CNIH3: variants seen among roughly 807,000 people sequenced by gnomAD.
CNIH3 encodes protein cornichon homolog 3.
Under a neutral mutation model 24.1 loss-of-function variants are expected in CNIH3, and 14 were observed. The observed-to-expected ratio is 0.58, with a 90% CI of 0.38 to 0.91. The LOEUF is 0.91. Ranked by LOEUF, CNIH3 falls within the 40% of genes least tolerant of loss-of-function variation. CNIH3 has a pLI of 0.00. For missense variants in CNIH3, 178 were observed against 196.8 expected, an observed-to-expected ratio of 0.90 and a Z score of 0.57; for synonymous variants, 68 against 73.8, an observed-to-expected ratio of 0.92 and a Z score of 0.40.
At chr1:224,443,171 A>C (rs1367395092) in intron 1 of CNIH3, among the ~76,000 whole-genome samples, 1 of 152,216 alleles carries the variant, frequency 6.6e-6, no homozygotes. Context: ...AATTTAGAAC[A>C]CTTCATCTTG....
chr1:224,674,027 C>T (rs980808941), intron 1 of CNIH3, among the ~76,000 whole-genome samples: 4 of 152,078 alleles, frequency 2.6e-5, no homozygotes, highest in African/African-American at 7.2e-5. Context: ...GGGGAGATTC[C>T]GATCCAGTTC....
In CNIH3 at chr1:224,739,652, C is replaced by CAG. The variant is rs1689775656; in HGVS notation, c.*296_*297insAG. The CAG allele has an allele frequency of 5.1e-5, 25 of 488,176 alleles. No homozygotes were observed. In the East Asian group the frequency reaches 9.0e-4, roughly 18 times the overall value. The allele number at this position is 488,176 out of a possible 1,614,324, so 30.2% of individuals were successfully genotyped here. A position where few individuals can be genotyped will look rare whatever the true frequency, so the allele number is the denominator to read the frequency against. ...GTAGGTGACGAAACACTAGACCTCT[C>CAG]CTGAGAGAGAATTGCTGCTTCCTGA... On this transcript the variant is annotated 3_prime_UTR_variant, in exon 6 of 6. Coordinates refer to ENST00000272133, the MANE Select transcript of CNIH3 (RefSeq NM_152495.2).
chr1:224,727,724 T>C (rs1220501751), intron 3 of CNIH3, among the ~76,000 whole-genome samples: 5 of 152,134 alleles, frequency 3.3e-5, no homozygotes, highest in Non-Finnish European at 5.9e-5. Context: ...AAGAAGCAGC[T>C]GGTGAAGTAG....
chr1:224,617,180 C>T lies in CNIH3; in HGVS notation c.6C>T (p.Ala2=). 1 of 1,614,112 alleles carries T rather than the reference C, an allele frequency of 6.2e-7. No homozygotes were observed. The change falls in exon 1 of 6, where the codon GCC becomes GCT. Residue 2 remains alanine (A), a synonymous_variant. Coordinates refer to ENST00000272133, the MANE Select transcript of CNIH3 (RefSeq NM_152495.2). M[A]FTFAAFCYML... ...GGGATTGGGGTCCGCCGGCCATGGC[C>T]TTCACTTTCGCTGCGTTCTGCTACA...
chr1:224,731,948 G>C (rs1328753613), intron 4 of CNIH3, among the ~76,000 whole-genome samples: 1 of 152,242 alleles, frequency 6.6e-6, no homozygotes, highest in Non-Finnish European at 1.5e-5. Flanking sequence ...GTATGGTATG[G>C]AGGGCCTGAA....
chr1:224,701,689 G>A (rs1458721805), intron 3 of CNIH3, among the ~76,000 whole-genome samples: 2 of 152,140 alleles, frequency 1.3e-5, no homozygotes, highest in Non-Finnish European at 2.9e-5. Flanking sequence ...TATGCCAGAC[G>A]TTGTACAAAG....
intron 3 of CNIH3, among the ~76,000 whole-genome samples, chr1:224,696,833 A>T (rs1249551046): frequency 6.6e-6 from 1 of 152,090 alleles, no homozygotes; most frequent in Non-Finnish European, 1.5e-5. Context: ...TGCTCAGTAC[A>T]GCTAAAAGAA....
intron 2 of CNIH3, among the ~76,000 whole-genome samples, chr1:224,525,195 T>C (rs1678796710): frequency 6.6e-6 from 1 of 152,228 alleles, no homozygotes; most frequent in Non-Finnish European, 1.5e-5. Flanking sequence ...AACTTTCAAC[T>C]GAGAATCTTA....
At chr1:224,522,652 A>G (rs1422745853) in intron 2 of CNIH3, among the ~76,000 whole-genome samples, 1 of 152,234 alleles carries the variant, frequency 6.6e-6, no homozygotes, top group Non-Finnish European at 1.5e-5. Context: ...ATGAACAGGA[A>G]AAGTGCTCAG....
chr1:224,608,574 T>C (rs1274227231), intron 3 of CNIH3, among the ~76,000 whole-genome samples: 1 of 152,162 alleles, frequency 6.6e-6, no homozygotes, highest in Non-Finnish European at 1.5e-5. Context: ...CCATACAATA[T>C]CTGGAATCTA....
intron 1 of CNIH3, among the ~76,000 whole-genome samples, chr1:224,678,211 T>TC (rs1686229708): frequency 6.6e-6 from 1 of 152,174 alleles, no homozygotes; most frequent in Non-Finnish European, 1.5e-5. Context: ...CTCTTAGGCC[T>TC]CCAAATCCAA....
At chr1:224,558,075 C>G (rs1680215772) in intron 3 of CNIH3, among the ~76,000 whole-genome samples, 1 of 152,206 alleles carries the variant, frequency 6.6e-6, no homozygotes, top group Non-Finnish European at 1.5e-5. Flanking sequence ...AACCATTTGG[C>G]CTGGGCTCAG....
At chr1:224,706,131 T>C (rs2125187324) in intron 3 of CNIH3, among the ~76,000 whole-genome samples, 1 of 152,232 alleles carries the variant, frequency 6.6e-6, no homozygotes, top group South Asian at 2.1e-4. Context: ...AGTAAATGTT[T>C]GGTGAATGAA....
At chr1:224,674,410 C>T (rs563104399) in intron 1 of CNIH3, among the ~76,000 whole-genome samples, 1 of 149,046 alleles carries the variant, frequency 6.7e-6, no homozygotes, top group Non-Finnish European at 1.5e-5. Context: ...AAGACAGAAG[C>T]ATGAGATGCT....
intron 1 of CNIH3, among the ~76,000 whole-genome samples, chr1:224,679,015 A>G (rs1294409661): frequency 6.6e-6 from 1 of 152,166 alleles, no homozygotes; most frequent in Non-Finnish European, 1.5e-5. Context: ...AAAAGAATGA[A>G]TGCTACTATA....
At chr1:224,584,213 A>C (rs1681398409) in intron 5 of CNIH3, among the ~76,000 whole-genome samples, 1 of 152,256 alleles carries the variant, frequency 6.6e-6, no homozygotes, top group Non-Finnish European at 1.5e-5. Context: ...GCTCTTTAAA[A>C]GAAAGTTACA....
chr1:224,715,677 A>C (rs1688390465), intron 3 of CNIH3, among the ~76,000 whole-genome samples: 1 of 152,220 alleles, frequency 6.6e-6, no homozygotes, highest in African/African-American at 2.4e-5. Flanking sequence ...GTGTGTGCAG[A>C]GATCACACGG....
At chr1:224,505,050 C>CTTCT (rs1677851637) in intron 1 of CNIH3, among the ~76,000 whole-genome samples, 1 of 131,724 alleles carries the variant, frequency 7.6e-6, no homozygotes, top group Admixed American at 8.0e-5. Context: ...TCCTTCCTTC[C>CTTCT]TTCCTTCCTT....
intron 4 of CNIH3, among the ~76,000 whole-genome samples, chr1:224,572,628 G>C (rs904341443): frequency 3.3e-5 from 5 of 150,916 alleles, no homozygotes; most frequent in African/African-American, 1.2e-4. Flanking sequence ...TTTTAGGATA[G>C]GGTTTTTTTT....
Sources: allele counts gnomAD v4.1 joint callset (sites outside exome capture counted in the v4.1 genomes callset), GRCh38; gene constraint gnomAD v4.1.1; transcripts MANE v1.5; gene names NCBI Gene and HGNC (gene_info 2026-07-23, HGNC 2026-07-21).